Variants in NELL2 observed in about 807,000 individuals in gnomAD.
The protein encoded by NELL2 is neural EGFL like 2.
Under a neutral mutation model 109.6 loss-of-function variants are expected in NELL2, and 41 were observed. The ratio of observed to expected loss-of-function variants is 0.37; its 90% CI spans 0.29 to 0.49. The LOEUF (loss-of-function observed/expected upper bound fraction) is 0.49, where lower values mean the gene tolerates loss of function less well. Ranked by LOEUF, NELL2 falls within the 20% of genes least tolerant of loss-of-function variation. NELL2 has a pLI of 0.98. For synonymous variants in NELL2, 355 were observed against 344.7 expected, an observed-to-expected ratio of 1.03 and a Z score of -0.33; for missense variants, 900 against 1,008.3, an observed-to-expected ratio of 0.89 and a Z score of 1.45.
chr12:44,764,698 T>C (rs889239711), intron 9 of NELL2, among the ~76,000 whole-genome samples: 2 of 152,184 alleles, frequency 1.3e-5, no homozygotes, highest in Non-Finnish European at 2.9e-5. Flanking sequence ...GCAACAGCAG[T>C]AACCTCCCTA....
intron 9 of NELL2, among the ~76,000 whole-genome samples, chr12:44,761,600 C>A (rs944322421): frequency 6.6e-6 from 1 of 152,070 alleles, no homozygotes; most frequent in Non-Finnish European, 1.5e-5. Context: ...ACAGCAAAGT[C>A]ATGGAATTAA....
intron 15 of NELL2, among the ~76,000 whole-genome samples, chr12:44,537,048 GA>G (rs561639058): frequency 0.05 from 6,145 of 123,402 alleles, 289 homozygotes; most frequent in African/African-American, 0.14. Flanking sequence ...TGTATGAATA[GA>G]AAAAAAAAAA....
At chr12:44,550,772 A>G (rs1366398594) in intron 15 of NELL2, among the ~76,000 whole-genome samples, 1 of 152,152 alleles carries the variant, frequency 6.6e-6, no homozygotes, top group African/African-American at 2.4e-5. Flanking sequence ...ACACAGAAAG[A>G]TAAGTGCTGT....
At chr12:44,780,142 A>G in intron 3 of NELL2, 120 bp from the exon 4 acceptor site, 1 of 981,834 alleles carries the variant, frequency 1.0e-6, no homozygotes. Context: ...AAGTACAACT[A>G]GACATCATAT....
intron 15 of NELL2, among the ~76,000 whole-genome samples, chr12:44,576,234 G>T (rs1944079263): frequency 6.6e-6 from 1 of 152,182 alleles, no homozygotes; most frequent in Non-Finnish European, 1.5e-5. Flanking sequence ...AACGTGGATG[G>T]CCACTTTCGT....
intron 13 of NELL2, among the ~76,000 whole-genome samples, chr12:44,611,840 A>G (rs1945635953): frequency 6.6e-6 from 1 of 152,068 alleles, no homozygotes; most frequent in Non-Finnish European, 1.5e-5. Flanking sequence ...TACAGTGAAC[A>G]TGAGAAAGCA....
intron 9 of NELL2, 73 bp downstream of exon 9, chr12:44,774,674 T>C (rs1941678197): frequency 4.1e-6 from 5 of 1,219,730 alleles, no homozygotes; most frequent in Non-Finnish European, 6.1e-6. Context: ...ATTAAACCAA[T>C]GATGGGTGAA....
intron 3 of NELL2, among the ~76,000 whole-genome samples, chr12:44,801,123 A>G (rs1006561192): frequency 5.3e-5 from 8 of 152,280 alleles, no homozygotes; most frequent in Middle Eastern, 3.4e-3. Context: ...TGTAGCTATT[A>G]TAGAAACGCC....
At chr12:44,659,459 G>A (rs138118186) in intron 13 of NELL2, among the ~76,000 whole-genome samples, 222 of 151,670 alleles carry the variant, frequency 1.5e-3, no homozygotes, top group Middle Eastern at 0.01. Flanking sequence ...TGATAAAAAG[G>A]TAATATCTAG....
At chr12:44,715,566 G>A (rs1007167280) in intron 9 of NELL2, among the ~76,000 whole-genome samples, 2 of 151,884 alleles carry the variant, frequency 1.3e-5, no homozygotes, top group African/African-American at 2.4e-5. Flanking sequence ...AATTTTCAGC[G>A]TCCTTCTCTG....
chr12:44,754,442 C>T (rs536725784), intron 9 of NELL2, among the ~76,000 whole-genome samples: 2 of 152,300 alleles, frequency 1.3e-5, no homozygotes, highest in East Asian at 1.9e-4. Context: ...GCTCCCTCCT[C>T]TAGAGTCTAC....
At chr12:44,719,229 C>T (rs1176927684) in intron 9 of NELL2, among the ~76,000 whole-genome samples, 3 of 152,136 alleles carry the variant, frequency 2.0e-5, no homozygotes, top group African/African-American at 7.2e-5. Flanking sequence ...ATTTATAACA[C>T]AGATTGAGAA....
intron 1 of NELL2, among the ~76,000 whole-genome samples, chr12:44,900,480 A>G (rs1459546627): frequency 6.6e-6 from 1 of 152,226 alleles, no homozygotes; most frequent in Non-Finnish European, 1.5e-5. Flanking sequence ...GCACAACTAC[A>G]TGGAAACCGA....
chr12:44,534,872 T>C (rs1942227541), intron 15 of NELL2, among the ~76,000 whole-genome samples: 1 of 152,076 alleles, frequency 6.6e-6, no homozygotes, highest in Non-Finnish European at 1.5e-5. Flanking sequence ...AGCCTTCAAA[T>C]TAGTCCTTTC....
At position 44,703,805 on chromosome 12, in the gene NELL2, G is replaced by A. The variant is rs964787622; in HGVS notation, c.1239C>T (p.Cys413=). The A allele has an allele frequency of 1.2e-6, 2 of 1,613,284 alleles. No individual in the cohort carries two copies. Among genetic ancestry groups the A allele is most frequent in the Admixed American group, 1.7e-5 (1 of 59,930 alleles). ...AAACAGCCCTGTCATTCAGATTTCTGCAGATGGAATTCTCCATGCAGTTAT... is the reference window on the plus strand; with the variant it reads ...AAACAGCCCTGTCATTCAGATTTCTACAGATGGAATTCTCCATGCAGTTAT... ...ERHNCMENSI[C]RNLNDRAVCS... Residue 413 remains cysteine, a synonymous_variant, in exon 12 of 20, where the codon TGC becomes TGT. Coordinates refer to ENST00000429094, the MANE Select transcript of NELL2 (RefSeq NM_001145108.2).
chr12:44,646,158 C>T (rs968477317), intron 13 of NELL2, among the ~76,000 whole-genome samples: 1 of 152,016 alleles, frequency 6.6e-6, no homozygotes, highest in African/African-American at 2.4e-5. Context: ...GTTCTAGGCA[C>T]TACTGAAAAT....
chr12:44,797,926 C>G (rs77392518), intron 3 of NELL2, among the ~76,000 whole-genome samples: 293 of 24,768 alleles, frequency 0.012, 2 homozygotes, highest in Non-Finnish European at 0.027. Context: ...TGGAATAAAA[C>G]CATTCCATCC....
chr12:44,831,751 C>T (rs2136723960), intron 2 of NELL2, among the ~76,000 whole-genome samples: 1 of 152,266 alleles, frequency 6.6e-6, no homozygotes, highest in East Asian at 1.9e-4. Context: ...GGAATGTCCT[C>T]CATGAGGAAA....
chr12:44,864,059 T>C (rs540316315), intron 2 of NELL2, among the ~76,000 whole-genome samples: 10 of 151,888 alleles, frequency 6.6e-5, no homozygotes, highest in Non-Finnish European at 1.5e-4. Flanking sequence ...AAATCTACAA[T>C]AGATACATAA....
Sources: gnomAD v4.1 joint callset for allele counts (sites outside exome capture counted in the v4.1 genomes callset) on GRCh38, gnomAD v4.1.1 for gene constraint, MANE v1.5 for transcripts, NCBI Gene and HGNC (gene_info 2026-07-23, HGNC 2026-07-21) for gene names.